The following ZNF99 variants were observed in gnomAD, a reference collection of about 807,000 sequenced individuals.
ZNF99 encodes the protein zinc finger protein ENSP00000375192.
Under a neutral mutation model 12.8 loss-of-function variants are expected in ZNF99, and 8 were observed. That is an observed-to-expected ratio of 0.62 (90% confidence interval 0.37 to 1.13). The LOEUF is 1.13. Ranked by LOEUF, ZNF99 falls within the 50% of genes most tolerant of loss-of-function variation. The probability of loss-of-function intolerance (pLI) is 0.02; values close to 1 mark genes in which losing one functional copy is unlikely to be tolerated. For missense variants in ZNF99, 1,007 were observed against 1,006.2 expected (o/e 1.00, Z -0.01); for synonymous variants, 318 against 319.0 (o/e 1.00, Z 0.03).
chr19:22,775,866 A>G (rs906312696), intron 1 of ZNF99, among the ~76,000 whole-genome samples: 2 of 151,946 alleles, frequency 1.3e-5, no homozygotes, highest in Non-Finnish European at 1.5e-5. Flanking sequence ...CTTTACTAAA[A>G]ACACAATTAG....
At position 22,757,227 on chromosome 19, in the gene ZNF99, A is replaced by G. The variant is rs62119153; in HGVS notation, c.*87T>C. On this transcript the variant is annotated 3_prime_UTR_variant, in exon 4 of 4. Coordinates refer to ENST00000596209, the MANE Select transcript of ZNF99 (RefSeq NM_001080409.3). Reference sequence around the variant, plus strand: ...CATTTGTATGGTTTCTTCCCAGTATAAATTATCTTATGTTTCCTAAGGGTT... The same window carrying G: ...CATTTGTATGGTTTCTTCCCAGTATGAATTATCTTATGTTTCCTAAGGGTT... The G allele has an allele frequency of 8.4e-5, 133 of 1,577,652 alleles. No individual in the cohort carries two copies. The African/African-American group carries it at 1.2e-3, about 14-fold the overall frequency.
At position 22,756,124 on chromosome 19, in the gene ZNF99, G is replaced by A. The variant is rs577017475; in HGVS notation, c.*1190C>T. ...CTTTGCCACATTCTTCACATATGGA[G>A]GGTCTGTCTCTAGTATAAATTATCT... On this transcript the variant is annotated 3_prime_UTR_variant, in exon 4 of 4. Coordinates refer to ENST00000596209, the MANE Select transcript of ZNF99 (RefSeq NM_001080409.3). 1.4e-6 allele frequency: 2 copies of A among 1,464,854 alleles called. No individual in the cohort carries two copies. Among genetic ancestry groups the A allele is most frequent in the Admixed American group, 1.9e-5 (1 of 52,362 alleles). 90.7% of individuals were successfully genotyped at this position (1,464,854 alleles called of 1,614,324 possible).
Position 22,759,457 on chromosome 19 carries a change from A to G in ZNF99, c.452T>C (p.Val151Ala). The change falls in exon 4 of 4, where the codon GTG becomes GCG. Residue 151 changes from valine to alanine, a missense_variant. By Grantham distance (64) the Val-to-Ala change is moderately conservative (BLOSUM62 0). Coordinates refer to ENST00000596209, the MANE Select transcript of ZNF99 (RefSeq NM_001080409.3). ...QGKIFQCNKYVKVFHKYSNSN... is the reference protein window; with the variant it reads ...QGKIFQCNKYAKVFHKYSNSN... The stretch of plus-strand genomic sequence containing the variant: ...ATTTGAATATTTATGAAAGACTTTC[A>G]CATATTTGTTACACTGAAATATTTT... The G allele has an allele frequency of 1.2e-6, 2 of 1,602,784 alleles. No individual in the cohort carries two copies. The highest frequency in any genetic ancestry group is 1.7e-6 in the Non-Finnish European group (2 of 1,175,298).
In ZNF99 at chr19:22,755,647, A is replaced by G; in HGVS notation, c.*1667T>C. 3.6e-6 allele frequency: 1 copy of G among 278,992 alleles called. No individual in the cohort carries two copies. The highest frequency in any genetic ancestry group is 2.2e-5 in the African/African-American group (1 of 44,830). The allele number at this position is 278,992 out of a possible 1,614,324, so 17.3% of individuals were successfully genotyped here. On this transcript the variant is annotated 3_prime_UTR_variant, in exon 4 of 4. Transcript: ENST00000596209. ...GTTCCTCTCCAAGATAAATTATTTT[A>G]TGTTGAGTAAAGTTTGAGGACTGGT... is the stretch of plus-strand genomic sequence containing the variant.
At position 22,778,876 on chromosome 19, in the gene ZNF99, G is replaced by T. The variant is rs1216813326; in HGVS notation, c.3+5138C>A. 1.2e-3 allele frequency among the ~76,000 whole-genome samples: 176 copies of T among 152,102 alleles called. 1 individual carries two copies. The highest frequency in any genetic ancestry group is 3.5e-4 in the Non-Finnish European group (24 of 67,976). On this transcript the variant is annotated intron_variant, in intron 1 of 3. Transcript: ENST00000596209. The stretch of plus-strand genomic sequence containing the variant: ...AAAAAAATTAGCTGGGCGTGGTGGT[G>T]CCTGCCTGTAATCCCAGCTACTCAG...
rs1281302232 is a variant in ZNF99, at chr19:22,759,604, G to A, written c.305C>T (p.Thr102Ile). The A allele has an allele frequency of 3.1e-6, 5 of 1,604,764 alleles. No individual in the cohort carries two copies. The highest frequency in any genetic ancestry group is 8.5e-7 in the Non-Finnish European group (1 of 1,177,592). The change falls in exon 4 of 4, where the codon ACA (threonine) becomes ATA (isoleucine). Residue 102 changes from threonine (T) to isoleucine (I), a missense_variant. Transcript: ENST00000596209. Reference sequence around the variant, plus strand: ...ATTCTTATGTCCACATCTTGCATATGTTCTCAATATTATTTCTTGGAAAGA... The same window carrying A: ...ATTCTTATGTCCACATCTTGCATATATTCTCAATATTATTTCTTGGAAAGA... ...KDSFQEIILR[T>I]YARCGHKNLR...
intron 1 of ZNF99, among the ~76,000 whole-genome samples, chr19:22,781,018 C>A (rs1973381213): frequency 6.6e-6 from 1 of 152,076 alleles, no homozygotes; most frequent in Admixed American, 6.6e-5. Flanking sequence ...AAAAAACACA[C>A]CAGAGAAAAT....
At chr19:22,772,088 T>TA (rs1457348919) in intron 1 of ZNF99, among the ~76,000 whole-genome samples, 7 of 151,978 alleles carry the variant, frequency 4.6e-5, no homozygotes, top group African/African-American at 1.4e-4. Flanking sequence ...GTTGACCGTT[T>TA]ATTTGGGCCA....
chr19:22,760,983 T>A (rs1973145032), intron 3 of ZNF99, among the ~76,000 whole-genome samples: 2 of 151,876 alleles, frequency 1.3e-5, no homozygotes, highest in South Asian at 4.1e-4. Flanking sequence ...GTTTCAGATT[T>A]CCAGGACAAG....
At chr19:22,765,286 G>A (rs954746914) in intron 3 of ZNF99, among the ~76,000 whole-genome samples, 1 of 152,122 alleles carries the variant, frequency 6.6e-6, no homozygotes, top group Admixed American at 6.5e-5. Flanking sequence ...TAAGCTATGA[G>A]GATGCAAAGG....
intron 1 of ZNF99, among the ~76,000 whole-genome samples, chr19:22,782,931 G>A (rs1231877701): frequency 6.9e-6 from 1 of 145,956 alleles, no homozygotes; most frequent in Non-Finnish European, 1.5e-5. Flanking sequence ...GCCTCCCAAA[G>A]TGCTGGGATT....
At chr19:22,768,162 G>C (rs1973225284) in intron 3 of ZNF99, 143 bp downstream of exon 3, 2 of 913,432 alleles carry the variant, frequency 2.2e-6, no homozygotes, top group Non-Finnish European at 3.4e-6. Flanking sequence ...CCCTACATGA[G>C]AGCAAAATTT....
rs1398306438 is a variant in ZNF99, at chr19:22,754,256, G to A, written c.*3058C>T. On this transcript the variant is annotated 3_prime_UTR_variant, in exon 4 of 4. Transcript: ENST00000596209. The stretch of plus-strand genomic sequence containing the variant: ...GTGGCAGGCGCCTGCAATCCCAGCT[G>A]CTTGGGAGGTTGAGGCCAGAGAATC... 4 of 439,348 alleles carry A rather than the reference G, an allele frequency of 9.1e-6. No homozygotes were observed. Among genetic ancestry groups the A allele is most frequent in the Middle Eastern group, 7.4e-4 (1 of 1,346 alleles). The allele number at this position is 439,348 out of a possible 1,614,324, so 27.2% of individuals were successfully genotyped here.
At chr19:22,775,984 T>C (rs1390340247) in intron 1 of ZNF99, among the ~76,000 whole-genome samples, 12 of 151,958 alleles carry the variant, frequency 7.9e-5, no homozygotes, top group Non-Finnish European at 1.8e-4. Flanking sequence ...ACTGTGCCAC[T>C]GCACTCGAGC....
chr19:22,782,190 G>C (rs939054239), intron 1 of ZNF99, among the ~76,000 whole-genome samples: 1 of 152,148 alleles, frequency 6.6e-6, no homozygotes, highest in Admixed American at 6.5e-5. Flanking sequence ...TTGCAAGCCA[G>C]AGTTAGGCTG....
In ZNF99 at chr19:22,758,904, A is replaced by G; in HGVS notation, c.1005T>C (p.His335=). Reference sequence around the variant, plus strand: ...CACATTTGTAGGGTTTCTTTCCAGTATGAATTATCTGATGTTTTCTAAGGG... The same window carrying G: ...CACATTTGTAGGGTTTCTTTCCAGTGTGAATTATCTGATGTTTTCTAAGGG... ...FSALRKHQII[H]TGKKPYKCEE... The change falls in exon 4 of 4, where the codon CAT becomes CAC. Residue 335 remains histidine (H), a synonymous_variant. Coordinates refer to ENST00000596209, the MANE Select transcript of ZNF99 (RefSeq NM_001080409.3). The G allele has an allele frequency of 6.2e-7, 1 of 1,613,848 alleles. No individual in the cohort carries two copies.
intron 1 of ZNF99, among the ~76,000 whole-genome samples, chr19:22,778,717 G>T (rs1183776425): frequency 6.6e-6 from 1 of 152,160 alleles, no homozygotes; most frequent in African/African-American, 2.4e-5. Context: ...AAGAAAAGAT[G>T]TGGGGAGGCT....
Position 22,758,713 on chromosome 19 carries a change from C to T in ZNF99, c.1196G>A (p.Cys399Tyr), listed in dbSNP as rs1253774473. Residue 399 changes from cysteine to tyrosine, a missense_variant, in exon 4 of 4, where the codon TGT becomes TAT. Cys to Tyr is a radical substitution (Grantham distance 194). Transcript: ENST00000596209. ...IIHTGQKPYK[C>Y]EECGKAFKWS... ...CTTAAAAGCTTTACCACATTCTTCA[C>T]ATTTGTAGGGTTTCTGTCCAGTATG... 2 of 1,613,558 alleles carry T rather than the reference C, an allele frequency of 1.2e-6. No homozygotes were observed. The highest frequency in any genetic ancestry group is 1.7e-6 in the Non-Finnish European group (2 of 1,179,732).
In ZNF99 at chr19:22,756,649, TTA is replaced by T. The variant is rs766456845; in HGVS notation, c.*663_*664del. 2 of 1,589,080 alleles carry T rather than the reference TTA, an allele frequency of 1.3e-6. No homozygotes were observed. The highest frequency in any genetic ancestry group is 1.7e-5 in the Admixed American group (1 of 58,784). On this transcript the variant is annotated 3_prime_UTR_variant, in exon 4 of 4. Coordinates refer to ENST00000596209, the MANE Select transcript of ZNF99 (RefSeq NM_001080409.3). ...CGGTTTCTCCCCAGTATGAATTATCTTATGTTTCATAAGGGTCGAGAAATTGT... is the reference window on the plus strand; with the variant it reads ...CGGTTTCTCCCCAGTATGAATTATCTTGTTTCATAAGGGTCGAGAAATTGT...
Sources: allele counts gnomAD v4.1 joint callset (sites outside exome capture counted in the v4.1 genomes callset), GRCh38; gene constraint gnomAD v4.1.1; transcripts MANE v1.5; gene names NCBI Gene and HGNC (gene_info 2026-07-23, HGNC 2026-07-21).